OTUD7A: variants seen among roughly 807,000 people sequenced by gnomAD.
OTUD7A encodes the protein OTU deubiquitinase 7A.
In OTUD7A, 12 loss-of-function variants were observed where a neutral mutation model predicts 65.7. The ratio of observed to expected loss-of-function variants is 0.18; its 90% CI spans 0.12 to 0.30. OTUD7A has a LOEUF of 0.30. Ranked by LOEUF, OTUD7A falls within the 10% of genes least tolerant of loss-of-function variation. The probability of loss-of-function intolerance (pLI) is 1.00; values close to 1 mark genes in which losing one functional copy is unlikely to be tolerated. For missense variants in OTUD7A, 1,148 were observed against 1,304.8 expected, an observed-to-expected ratio of 0.88 and a Z score of 1.85; for synonymous variants, 641 against 586.3, an observed-to-expected ratio of 1.09 and a Z score of -1.35.
intron 8 of OTUD7A, among the ~76,000 whole-genome samples, chr15:31,518,893 C>T (rs1455615665): frequency 6.6e-6 from 1 of 152,252 alleles, no homozygotes; most frequent in Admixed American, 6.5e-5. Context: ...AGGCACAGTA[C>T]AGGCTAGCAG....
chr15:31,659,072 TAAATAAATA>T (rs1405364853), intron 1 of OTUD7A, among the ~76,000 whole-genome samples: 213 of 127,152 alleles, frequency 1.7e-3, no homozygotes, highest in African/African-American at 5.1e-3. Context: ...AATAAATAAA[TAAATAAATA>T]AAATAAAATT....
intron 1 of OTUD7A, among the ~76,000 whole-genome samples, chr15:31,866,696 C>T (rs746085196): frequency 5.3e-5 from 8 of 152,186 alleles, no homozygotes; most frequent in Non-Finnish European, 1.0e-4. Flanking sequence ...ATATCTTATT[C>T]CCATTTTGTC....
chr15:31,501,643 C>T, intron 10 of OTUD7A, 47 bp downstream of exon 10: 1 of 1,611,590 alleles, frequency 6.2e-7, no homozygotes, highest in Non-Finnish European at 8.5e-7. Flanking sequence ...GATGGCTCTG[C>T]CCCCACCCTA....
chr15:31,638,311 G>T (rs1891401121), intron 3 of OTUD7A, among the ~76,000 whole-genome samples: 1 of 151,214 alleles, frequency 6.6e-6, no homozygotes, highest in South Asian at 2.1e-4. Flanking sequence ...TTCAAATTAA[G>T]TTATGTACAT....
At chr15:31,786,946 A>T (rs1225989490) in intron 1 of OTUD7A, among the ~76,000 whole-genome samples, 3 of 152,188 alleles carry the variant, frequency 2.0e-5, no homozygotes, top group Non-Finnish European at 4.4e-5. Flanking sequence ...AGGAGGGGAA[A>T]ATGTTGCTTT....
intron 1 of OTUD7A, among the ~76,000 whole-genome samples, chr15:31,791,714 A>G (rs1266428919): frequency 6.6e-6 from 1 of 152,138 alleles, no homozygotes; most frequent in Non-Finnish European, 1.5e-5. Context: ...AGCCTTCAAG[A>G]GAATTCCATC....
chr15:31,755,957 G>A (rs1336511273), intron 1 of OTUD7A, among the ~76,000 whole-genome samples: 4 of 152,196 alleles, frequency 2.6e-5, no homozygotes. Flanking sequence ...AAGGGGTTAT[G>A]GGCTTAAGCC....
chr15:31,679,640 G>C (rs1325956418), intron 1 of OTUD7A, among the ~76,000 whole-genome samples: 1 of 152,138 alleles, frequency 6.6e-6, no homozygotes, highest in Admixed American at 6.5e-5. Flanking sequence ...AAAGAAATGT[G>C]CCTTGCTTCC....
At chr15:31,576,880 A>G (rs151010814) in intron 3 of OTUD7A, among the ~76,000 whole-genome samples, 69 of 152,308 alleles carry the variant, frequency 4.5e-4, no homozygotes, top group African/African-American at 1.6e-3. Context: ...GAGATGCCTG[A>G]AAAACTGAAT....
chr15:31,866,668 T>A (rs1418933499), intron 1 of OTUD7A, among the ~76,000 whole-genome samples: 4 of 152,176 alleles, frequency 2.6e-5, no homozygotes, highest in Admixed American at 2.6e-4. Flanking sequence ...ATTAAATACG[T>A]TACAAAAAAG....
intron 3 of OTUD7A, among the ~76,000 whole-genome samples, chr15:31,598,936 G>A (rs989804303): frequency 1.3e-5 from 2 of 152,114 alleles, no homozygotes; most frequent in Admixed American, 6.5e-5. Context: ...CAAGGCCGCC[G>A]TGGCCAGACT....
At chr15:31,838,445 C>G (rs926442395) in intron 1 of OTUD7A, among the ~76,000 whole-genome samples, 1 of 152,074 alleles carries the variant, frequency 6.6e-6, no homozygotes, top group African/African-American at 2.4e-5. Flanking sequence ...TCTCCACATT[C>G]AATCCACCCA....
Position 31,484,460 on chromosome 15 carries a change from C to G in OTUD7A, c.1636G>C (p.Val546Leu). 6.2e-7 allele frequency: 1 copy of G among 1,605,268 alleles called. No homozygotes were observed. The highest frequency in any genetic ancestry group is 8.5e-7 in the Non-Finnish European group (1 of 1,179,930). ...KKNMGGLGGL[V>L]HGKMGRANSA... is the part of the protein sequence containing the mutation. The stretch of plus-strand genomic sequence containing the variant: ...TTGGCGCGGCCCATCTTGCCGTGCA[C>G]CAGGCCGCCGAGGCCGCCCATGTTT... Residue 546 changes from valine to leucine, a missense_variant, in exon 13 of 13, where the codon GTG becomes CTG. By Grantham distance (32) the Val-to-Leu change is conservative (BLOSUM62 1). This residue lies in a region of OTUD7A where 842 missense variants were observed against 769.5 expected (regional missense o/e 1.09). Coordinates refer to ENST00000307050, the MANE Select transcript of OTUD7A (RefSeq NM_001382637.1). The surrounding 1 kb of genome is among the most constrained non-coding windows in gnomAD (Gnocchi z 4.5).
intron 1 of OTUD7A, among the ~76,000 whole-genome samples, chr15:31,786,681 C>T (rs1231881781): frequency 6.6e-6 from 1 of 152,104 alleles, no homozygotes; most frequent in African/African-American, 2.4e-5. Context: ...AGAAGGAAGC[C>T]AGGTAGTGAG....
intron 8 of OTUD7A, among the ~76,000 whole-genome samples, chr15:31,508,451 A>G (rs1030470910): frequency 2.0e-5 from 3 of 152,152 alleles, no homozygotes; most frequent in African/African-American, 4.8e-5. Flanking sequence ...CTGGGTTCAC[A>G]CCATTCTCCC....
chr15:31,786,870 C>G (rs186008900), intron 1 of OTUD7A, among the ~76,000 whole-genome samples: 10 of 152,158 alleles, frequency 6.6e-5, no homozygotes, highest in Admixed American at 2.6e-4. Flanking sequence ...TAACCGCCCC[C>G]CTTCATTCCA....
At chr15:31,863,744 AT>A (rs1268501812) in intron 1 of OTUD7A, among the ~76,000 whole-genome samples, 2 of 152,074 alleles carry the variant, frequency 1.3e-5, no homozygotes, top group African/African-American at 2.4e-5. Context: ...GCCTGGAGAC[AT>A]TTTCCCCATG....
intron 3 of OTUD7A, 145 bp downstream of exon 3, chr15:31,654,951 T>C: frequency 1.1e-6 from 1 of 902,050 alleles, no homozygotes; most frequent in Non-Finnish European, 1.6e-6. Flanking sequence ...AGTGATAAAA[T>C]TTTGACTTAA....
At chr15:31,623,294 T>A (rs113252207) in intron 3 of OTUD7A, among the ~76,000 whole-genome samples, 3,146 of 152,310 alleles carry the variant, frequency 0.021, 103 homozygotes, top group African/African-American at 0.073. Flanking sequence ...TTCAAAGCTG[T>A]CAGACTGGGA....
Sources: gnomAD v4.1 joint callset for allele counts (sites outside exome capture counted in the v4.1 genomes callset) on GRCh38, gnomAD v4.1.1 for gene constraint, gnomAD v4.1.1 regional missense constraint, Gnocchi (gnomAD v3.1) non-coding constraint, MANE v1.5 for transcripts, NCBI Gene and HGNC (gene_info 2026-07-23, HGNC 2026-07-21) for gene names.